The following DIO2 variants were observed in gnomAD, a reference collection of about 807,000 sequenced individuals.
DIO2 encodes the protein type II iodothyronine deiodinase.
A neutral mutation model predicts 21.4 loss-of-function variants in DIO2; 19 were observed. The ratio of observed to expected loss-of-function variants is 0.89; its 90% CI spans 0.62 to 1.30. The LOEUF (loss-of-function observed/expected upper bound fraction) is 1.30, where lower values mean the gene tolerates loss of function less well. Ranked by LOEUF, DIO2 falls within the 50% of genes most tolerant of loss-of-function variation. The probability of loss-of-function intolerance (pLI) is 0.00; values close to 1 mark genes in which losing one functional copy is unlikely to be tolerated. For missense variants in DIO2, 302 were observed against 338.1 expected (o/e 0.89, Z 0.84); for synonymous variants, 122 against 132.9 (o/e 0.92, Z 0.57).
Position 80,202,757 on chromosome 14 carries a change from G to A in DIO2, c.754C>T (p.Gln252Ter). 6.2e-7 allele frequency: 1 copy of A among 1,613,938 alleles called. No homozygotes were observed. The highest frequency in any genetic ancestry group is 8.5e-7 in the Non-Finnish European group (1 of 1,179,888). Reference protein sequence around the residue: ...GGKGPFSYNLQEVRHWLEKNF... With the variant: ...GGKGPFSYNL ...TTCTCCAGCCAATGCCGGACTTCTTGAAGGTTGTAGGAGAAGGGGCCCTTT... is the reference window on the plus strand; with the variant it reads ...TTCTCCAGCCAATGCCGGACTTCTTAAAGGTTGTAGGAGAAGGGGCCCTTT... Residue 252 changes from glutamine to a stop codon, truncating the protein, a stop_gained, in exon 2 of 2, where the codon CAA (glutamine) becomes TAA (stop). Transcript: ENST00000438257. LOFTEE classifies it high-confidence loss of function.
chr14:80,216,851 C>A (rs1054886781), intron 2 of DIO2: 4 of 152,108 alleles, frequency 2.6e-5, no homozygotes, highest in African/African-American at 9.7e-5. Context: ...TAGGAAACCA[C>A]CGGATGATAT....
rs1186964119 is a variant in DIO2, at chr14:80,203,178, T to C, written c.333A>G (p.Thr111=). The change falls in exon 2 of 2, where the codon ACA becomes ACG. Residue 111 remains threonine (T), a synonymous_variant. Coordinates refer to ENST00000438257, the MANE Select transcript of DIO2 (RefSeq NM_013989.5). ...GTQEKIAEGA[T]CHLLDFASPE... ...GGCTGGCAAAGTCAAGAAGGTGGCA[T>C]GTGGCTCCCTCAGCTATCTTCTCCT... 2 of 1,611,158 alleles carry C rather than the reference T, an allele frequency of 1.2e-6. No homozygotes were observed. Among genetic ancestry groups the C allele is most frequent in the Admixed American group, 3.4e-5 (2 of 59,592 alleles).
chr14:80,226,758 C>T (rs756090071), intron 2 of DIO2, among the ~76,000 whole-genome samples: 2 of 152,154 alleles, frequency 1.3e-5, no homozygotes, highest in Middle Eastern at 3.2e-3. Flanking sequence ...CAGGGGTGGC[C>T]GGGGAAAGAG....
chr14:80,223,277 T>C (rs1182303764), intron 2 of DIO2, among the ~76,000 whole-genome samples: 2 of 152,228 alleles, frequency 1.3e-5, no homozygotes, highest in African/African-American at 4.8e-5. Context: ...GACTGTGTTA[T>C]TGGCTTAACA....
intron 2 of DIO2, among the ~76,000 whole-genome samples, chr14:80,218,953 G>A (rs1037245515): frequency 2.6e-5 from 4 of 152,098 alleles, no homozygotes; most frequent in African/African-American, 7.2e-5. Flanking sequence ...ACTCCAGCCC[G>A]GGCCACAGAG....
chr14:80,209,129 T>C (rs1230232271), intron 1 of DIO2, among the ~76,000 whole-genome samples: 1 of 152,128 alleles, frequency 6.6e-6, no homozygotes, highest in Non-Finnish European at 1.5e-5. Flanking sequence ...CACTATACAT[T>C]GGTGAAAAAA....
At position 80,211,384 on chromosome 14, in the gene DIO2, G is replaced by C. The variant is rs376291377; in HGVS notation, c.89C>G (p.Ser30Trp). The C allele has an allele frequency of 1.9e-6, 3 of 1,613,580 alleles. No individual in the cohort carries two copies. Among genetic ancestry groups the C allele is most frequent in the Non-Finnish European group, 1.7e-6 (2 of 1,179,836 alleles). ...SNCLFLALYD[S>W]VILLKHVVLL... Reference sequence around the variant, plus strand: ...CACCACGTGCTTGAGCAGAATGACCGAGTCATAGAGAGCCAGGAAGAGGCA... The same window carrying C: ...CACCACGTGCTTGAGCAGAATGACCCAGTCATAGAGAGCCAGGAAGAGGCA... Residue 30 changes from serine (S) to tryptophan (W), a missense_variant, in exon 1 of 2, where the codon TCG becomes TGG. Ser to Trp is a radical substitution (Grantham distance 177). Coordinates refer to ENST00000438257, the MANE Select transcript of DIO2 (RefSeq NM_013989.5).
intron 1 of DIO2, among the ~76,000 whole-genome samples, chr14:80,210,017 A>C (rs1051795764): frequency 1.3e-5 from 2 of 152,236 alleles, no homozygotes; most frequent in African/African-American, 4.8e-5. Flanking sequence ...CTCTGGTTCT[A>C]AGGTGCTGCC....
intron 2 of DIO2, chr14:80,219,383 T>C (rs981941465): frequency 6.6e-6 from 1 of 152,134 alleles, no homozygotes; most frequent in Non-Finnish European, 1.5e-5. Flanking sequence ...CCGTTTTCTA[T>C]CTGTAGCCCC....
upstream of DIO2, chr14:80,215,989 G>T (rs1230893231): frequency 6.6e-6 from 1 of 152,298 alleles, no homozygotes; most frequent in Admixed American, 6.5e-5. Context: ...AAAGCAACTT[G>T]GGGGCGGGAG....
upstream of DIO2, among the ~76,000 whole-genome samples, chr14:80,215,698 C>A (rs918020104): frequency 7.2e-5 from 11 of 152,206 alleles, no homozygotes; most frequent in African/African-American, 2.7e-4. Context: ...AGCAGGCATG[C>A]TGATTTTGGA....
In DIO2 at chr14:80,224,496, TACACACACAC is replaced by T. The variant is rs59545805; in HGVS notation, c.-277-7769_-277-7760del. Among the ~76,000 whole-genome samples the T allele has an allele frequency of 4.4e-3, 605 of 138,490 alleles. 4 individuals carry two copies. Among genetic ancestry groups the T allele is most frequent in the African/African-American group, 0.015 (567 of 37,972 alleles). The allele number at this position is 138,490 out of a possible 152,430, so 90.9% of individuals were successfully genotyped here. On this transcript the variant is annotated intron_variant, in intron 2 of 4. Transcript: ENST00000553594. Reference sequence around the variant, plus strand: ...TTATAAAATGGAGGTAGAGAGATACTACACACACACACACACACACACACACACACACACA... The same window carrying T: ...TTATAAAATGGAGGTAGAGAGATACTACACACACACACACACACACACACA...
chr14:80,218,374 G>A (rs1355856448), intron 2 of DIO2, among the ~76,000 whole-genome samples: 1 of 152,114 alleles, frequency 6.6e-6, no homozygotes, highest in Non-Finnish European at 1.5e-5. Context: ...GAACTTTATG[G>A]GTGGGTTCTT....
intron 2 of DIO2, among the ~76,000 whole-genome samples, chr14:80,229,973 T>A (rs1252829869): frequency 6.6e-6 from 1 of 152,106 alleles, no homozygotes; most frequent in South Asian, 2.1e-4. Context: ...TAGTTATAGG[T>A]CTAGAAGCAA....
intron 2 of DIO2, among the ~76,000 whole-genome samples, chr14:80,226,389 T>C (rs1213801590): frequency 6.6e-6 from 1 of 152,172 alleles, no homozygotes; most frequent in Non-Finnish European, 1.5e-5. Flanking sequence ...TGGAATATCA[T>C]GATGGTGGAA....
intron 2 of DIO2, among the ~76,000 whole-genome samples, chr14:80,226,659 G>T (rs1214869352): frequency 2.0e-5 from 3 of 152,192 alleles, no homozygotes; most frequent in African/African-American, 7.2e-5. Context: ...GGTCAGCCTT[G>T]GTGAGTGGAA....
chr14:80,217,342 A>G (rs1046683479), intron 2 of DIO2, among the ~76,000 whole-genome samples: 2 of 152,246 alleles, frequency 1.3e-5, no homozygotes, highest in African/African-American at 4.8e-5. Context: ...TCTTAAAATA[A>G]TGGTTCAGGA....
intron 2 of DIO2, among the ~76,000 whole-genome samples, chr14:80,222,310 A>G (rs1888480235): frequency 6.6e-6 from 1 of 152,262 alleles, no homozygotes; most frequent in Non-Finnish European, 1.5e-5. Flanking sequence ...GTGATAGCCA[A>G]CGTTATGAGA....
chr14:80,203,947 T>G (rs1293191424), intron 1 of DIO2, among the ~76,000 whole-genome samples: 4 of 152,218 alleles, frequency 2.6e-5, no homozygotes, highest in Non-Finnish European at 4.4e-5. Flanking sequence ...CTTCCACATA[T>G]GGCAACTGGA....
Sources: gnomAD v4.1 joint callset for allele counts (sites outside exome capture counted in the v4.1 genomes callset) on GRCh38, gnomAD v4.1.1 for gene constraint, MANE v1.5 for transcripts, NCBI Gene and HGNC (gene_info 2026-07-23, HGNC 2026-07-21) for gene names.